Variants in GALNT13 observed in about 807,000 individuals in gnomAD.
GALNT13 encodes the protein polypeptide N-acetylgalactosaminyltransferase 13.
GALNT13 carries 28 observed loss-of-function variants against 64.2 expected under a neutral mutation model. That is an observed-to-expected ratio of 0.44 (90% CI 0.32 to 0.60). GALNT13 has a LOEUF of 0.60. GALNT13 is among the 20% of genes least tolerant of loss of function. The pLI is 0.05. For missense variants in GALNT13, 577 were observed against 669.8 expected, an observed-to-expected ratio of 0.86 and a Z score of 1.53; for synonymous variants, 214 against 224.6, an observed-to-expected ratio of 0.95 and a Z score of 0.42.
At chr2:153,581,594 A>G in the GALNT13 span, among the ~76,000 whole-genome samples, 1 of 152,134 alleles carries the variant, frequency 6.6e-6, no homozygotes, top group African/African-American at 2.4e-5. Flanking sequence ...TGTAGTACTC[A>G]TAAGAACTGA....
chr2:153,818,094 A>G, the GALNT13 span, among the ~76,000 whole-genome samples: 3 of 148,754 alleles, frequency 2.0e-5, no homozygotes, highest in Admixed American at 6.9e-5. Flanking sequence ...CAGAACCGGC[A>G]TGGAACCAGG....
At chr2:153,566,646 G>A in the GALNT13 span, among the ~76,000 whole-genome samples, 12 of 152,130 alleles carry the variant, frequency 7.9e-5, no homozygotes, top group Admixed American at 3.3e-4. Context: ...GAGCCACTGC[G>A]TCCGGCCTCT....
chr2:153,648,902 A>T, the GALNT13 span, among the ~76,000 whole-genome samples: 1 of 152,090 alleles, frequency 6.6e-6, no homozygotes, highest in Admixed American at 6.5e-5. Context: ...ATTGATGTTC[A>T]TAGGGATATT....
the GALNT13 span, among the ~76,000 whole-genome samples, chr2:153,828,471 G>T: frequency 6.6e-6 from 1 of 152,312 alleles, no homozygotes; most frequent in East Asian, 1.9e-4. Context: ...CTTGGGGCTT[G>T]CAACCTCTGA....
At chr2:154,094,382 T>C (rs912750658) in intron 3 of GALNT13, among the ~76,000 whole-genome samples, 1 of 152,008 alleles carries the variant, frequency 6.6e-6, no homozygotes, top group Non-Finnish European at 1.5e-5. Context: ...TTCTCGTCTA[T>C]CCTTTATTAC....
chr2:153,231,823 C>T, the GALNT13 span, among the ~76,000 whole-genome samples: 4 of 151,716 alleles, frequency 2.6e-5, no homozygotes, highest in African/African-American at 9.7e-5. Context: ...GAAAATTTAC[C>T]TCTTCTTTAA....
the GALNT13 span, among the ~76,000 whole-genome samples, chr2:153,114,234 G>T: frequency 6.6e-6 from 1 of 152,060 alleles, no homozygotes; most frequent in African/African-American, 2.4e-5. Context: ...TCGCTTGAAC[G>T]TAAGTTTAGT....
chr2:154,449,695 G>A (rs10169874), intron 12 of GALNT13, among the ~76,000 whole-genome samples: 37,134 of 151,468 alleles, frequency 0.25, 4,725 homozygotes, highest in East Asian at 0.51. Flanking sequence ...TCCAATGTAC[G>A]TAAAAATGCC....
chr2:153,335,891 C>A, the GALNT13 span, among the ~76,000 whole-genome samples: 1 of 152,280 alleles, frequency 6.6e-6, no homozygotes, highest in South Asian at 2.1e-4. Flanking sequence ...GGCCCAGGGT[C>A]CCTGTGCTGT....
At chr2:154,348,082 CTG>C (rs1162201845) in intron 9 of GALNT13, among the ~76,000 whole-genome samples, 1 of 152,188 alleles carries the variant, frequency 6.6e-6, no homozygotes, top group Non-Finnish European at 1.5e-5. Context: ...TTGAGATTGA[CTG>C]TAATTCTATA....
intron 10 of GALNT13, among the ~76,000 whole-genome samples, chr2:154,406,967 C>CA (rs1455192716): frequency 6.6e-6 from 1 of 152,082 alleles, no homozygotes; most frequent in East Asian, 1.9e-4. Context: ...TTACTGAAGG[C>CA]AAAATATTTT....
intron 4 of GALNT13, among the ~76,000 whole-genome samples, chr2:154,201,158 A>G (rs543929805): frequency 2.6e-5 from 4 of 152,240 alleles, no homozygotes; most frequent in Non-Finnish European, 4.4e-5. Flanking sequence ...TCAGCCTACA[A>G]AGAGTTGTCA....
chr2:154,236,131 C>A, intron 4 of GALNT13: 1 of 1,135,988 alleles, frequency 8.8e-7, no homozygotes, highest in Non-Finnish European at 1.1e-6. Context: ...CTGACTTTCC[C>A]TGCTTTCGTG....
chr2:154,197,397 G>A (rs981993444), intron 4 of GALNT13, among the ~76,000 whole-genome samples: 11 of 152,024 alleles, frequency 7.2e-5, no homozygotes, highest in African/African-American at 1.7e-4. Flanking sequence ...CAATGACCAC[G>A]CATTGTATTC....
chr2:153,997,509 TTC>T (rs1235919775), intron 3 of GALNT13, among the ~76,000 whole-genome samples: 7 of 152,080 alleles, frequency 4.6e-5, no homozygotes, highest in African/African-American at 1.7e-4. Flanking sequence ...CTTCTAGATT[TTC>T]TGTGTTTATT....
chr2:153,126,332 ATATATATATATATATG>A, the GALNT13 span, among the ~76,000 whole-genome samples: 1 of 49,104 alleles, frequency 2.0e-5, no homozygotes, highest in Non-Finnish European at 4.9e-5. Context: ...ATATATATAT[ATATATATATATATATG>A]ATATTAAGGA....
At chr2:153,180,267 C>A in the GALNT13 span, among the ~76,000 whole-genome samples, 2 of 152,042 alleles carry the variant, frequency 1.3e-5, no homozygotes, top group Non-Finnish European at 2.9e-5. Context: ...TAATTTTTCT[C>A]CATCTAATGA....
chr2:153,110,327 A>C, the GALNT13 span, among the ~76,000 whole-genome samples: 5 of 152,096 alleles, frequency 3.3e-5, no homozygotes, highest in Non-Finnish European at 5.9e-5. Flanking sequence ...GTATAGATCT[A>C]TTTTCATGAG....
At chr2:153,505,475 C>G in the GALNT13 span, among the ~76,000 whole-genome samples, 1 of 152,040 alleles carries the variant, frequency 6.6e-6, no homozygotes, top group Non-Finnish European at 1.5e-5. Context: ...CCAGTTTGCT[C>G]TTTCAAACTT....
Sources: allele counts gnomAD v4.1 joint callset (sites outside exome capture counted in the v4.1 genomes callset), GRCh38; gene constraint gnomAD v4.1.1; transcripts MANE v1.5; gene names NCBI Gene and HGNC (gene_info 2026-07-23, HGNC 2026-07-21).